The following KDM4C variants were observed in gnomAD, a reference collection of about 807,000 sequenced individuals.
KDM4C encodes the protein lysine demethylase 4C, also known as lysine-specific demethylase 4C.
Under a neutral mutation model 129.3 loss-of-function variants are expected in KDM4C, and 81 were observed. That is an observed-to-expected ratio of 0.63 (90% CI 0.52 to 0.75). The LOEUF is 0.75. Ranked by LOEUF, KDM4C falls within the 30% of genes least tolerant of loss-of-function variation. The probability of loss-of-function intolerance (pLI) is 0.00; values close to 1 mark genes in which losing one functional copy is unlikely to be tolerated. For missense variants in KDM4C, 1,457 were observed against 1,304.0 expected (o/e 1.12, Z -1.81); for synonymous variants, 573 against 456.1 (o/e 1.26, Z -3.26).
At chr9:7,171,786 C>T (rs1418866598) in intron 21 of KDM4C, among the ~76,000 whole-genome samples, 1 of 152,094 alleles carries the variant, frequency 6.6e-6, no homozygotes, top group East Asian at 1.9e-4. Flanking sequence ...GTCTATTTCA[C>T]TGAACAAGCT....
chr9:7,073,400 A>G (rs1030237524), intron 17 of KDM4C, among the ~76,000 whole-genome samples: 1 of 152,208 alleles, frequency 6.6e-6, no homozygotes, highest in Non-Finnish European at 1.5e-5. Flanking sequence ...CTTATTTTAT[A>G]TGTTATATAG....
intron 19 of KDM4C, among the ~76,000 whole-genome samples, chr9:7,148,767 C>T (rs2130062651): frequency 6.6e-6 from 1 of 152,278 alleles, no homozygotes; most frequent in East Asian, 1.9e-4. Flanking sequence ...GTGGGTAGCT[C>T]CTATCCACAG....
At chr9:6,856,544 G>GTGTGTT (rs1839854070) in intron 5 of KDM4C, among the ~76,000 whole-genome samples, 1 of 108,204 alleles carries the variant, frequency 9.2e-6, no homozygotes, top group Non-Finnish European at 2.1e-5. Context: ...GTGTGCGTGT[G>GTGTGTT]TGTGTGTGTG....
intron 4 of KDM4C, among the ~76,000 whole-genome samples, chr9:6,842,457 C>T (rs977798273): frequency 1.2e-4 from 18 of 151,496 alleles, no homozygotes; most frequent in African/African-American, 4.9e-5. Context: ...GTCTCAGTCT[C>T]TTGAGTAGCT....
At chr9:7,129,470 C>T (rs530704576) in intron 19 of KDM4C, among the ~76,000 whole-genome samples, 2 of 152,322 alleles carry the variant, frequency 1.3e-5, no homozygotes, top group East Asian at 1.9e-4. Context: ...TACTGCATTG[C>T]CACTGTTATT....
chr9:6,785,699 C>G (rs1825346267), intron 1 of KDM4C, among the ~76,000 whole-genome samples: 1 of 152,196 alleles, frequency 6.6e-6, no homozygotes, highest in Non-Finnish European at 1.5e-5. Context: ...CAAATATGAC[C>G]TCATGTTAAC....
chr9:6,825,211 T>C (rs1833697033), intron 4 of KDM4C, among the ~76,000 whole-genome samples: 1 of 151,518 alleles, frequency 6.6e-6, no homozygotes, highest in African/African-American at 2.4e-5. Flanking sequence ...TAATCTGTTA[T>C]AAAGTCATAT....
At chr9:7,029,079 A>G (rs572212213) in intron 15 of KDM4C, among the ~76,000 whole-genome samples, 2 of 152,300 alleles carry the variant, frequency 1.3e-5, no homozygotes, top group South Asian at 4.1e-4. Context: ...GTGTTCCTCC[A>G]GAGGGGATGA....
At chr9:7,143,745 A>G (rs1391428653) in intron 19 of KDM4C, among the ~76,000 whole-genome samples, 1 of 152,228 alleles carries the variant, frequency 6.6e-6, no homozygotes, top group Non-Finnish European at 1.5e-5. Flanking sequence ...CTTCCCTTTA[A>G]GCATAATAAT....
At chr9:7,048,681 G>T (rs1829748518) in intron 16 of KDM4C, among the ~76,000 whole-genome samples, 1 of 152,080 alleles carries the variant, frequency 6.6e-6, no homozygotes, top group African/African-American at 2.4e-5. Flanking sequence ...TTAAAAGGTT[G>T]TGTGCTATAC....
chr9:7,039,743 T>TAAGTA (rs145576145), intron 15 of KDM4C, among the ~76,000 whole-genome samples: 8,440 of 152,110 alleles, frequency 0.055, 260 homozygotes, highest in South Asian at 0.096. Flanking sequence ...ATTTATTCAT[T>TAAGTA]GAGTGGATCA....
intron 7 of KDM4C, among the ~76,000 whole-genome samples, chr9:6,889,766 G>A (rs890522873): frequency 7.9e-5 from 12 of 152,226 alleles, no homozygotes; most frequent in African/African-American, 2.7e-4. Context: ...CTGGTGTTAG[G>A]TGTTGGTGGT....
intron 4 of KDM4C, chr9:6,834,872 C>A: frequency 2.3e-6 from 3 of 1,321,604 alleles, no homozygotes; most frequent in Non-Finnish European, 3.3e-6. Flanking sequence ...CCAGCCCGTG[C>A]TGTCCCTGTA....
intron 1 of KDM4C, among the ~76,000 whole-genome samples, chr9:6,738,891 C>G (rs1817605703): frequency 6.6e-6 from 1 of 151,436 alleles, no homozygotes; most frequent in Non-Finnish European, 1.5e-5. Context: ...GGCCGCCCAG[C>G]TAATTTCTAT....
At chr9:6,967,421 T>TAAAAA (rs35054106) in intron 8 of KDM4C, among the ~76,000 whole-genome samples, 20 of 124,992 alleles carry the variant, frequency 1.6e-4, no homozygotes, top group African/African-American at 5.2e-4. Context: ...AAGCTTCCAC[T>TAAAAA]AAAAAAAAAA....
At chr9:7,084,408 C>T (rs1419038544) in intron 17 of KDM4C, among the ~76,000 whole-genome samples, 1 of 152,188 alleles carries the variant, frequency 6.6e-6, no homozygotes, top group Non-Finnish European at 1.5e-5. Flanking sequence ...GTTACTGGAA[C>T]ATGAATGATA....
At chr9:6,765,180 C>G (rs1466480127) in intron 1 of KDM4C, among the ~76,000 whole-genome samples, 5 of 152,138 alleles carry the variant, frequency 3.3e-5, no homozygotes, top group Admixed American at 3.3e-4. Flanking sequence ...CCTGCCATAT[C>G]TCTTTCTACC....
intron 15 of KDM4C, among the ~76,000 whole-genome samples, chr9:7,023,934 C>G (rs1008810036): frequency 5.3e-5 from 8 of 152,186 alleles, no homozygotes; most frequent in Non-Finnish European, 1.2e-4. Context: ...TGTGTTTGTA[C>G]ATCTTCCAAA....
At chr9:6,943,566 T>G (rs977119775) in intron 8 of KDM4C, among the ~76,000 whole-genome samples, 1 of 151,998 alleles carries the variant, frequency 6.6e-6, no homozygotes, top group African/African-American at 2.4e-5. Context: ...TCCTGGCTAC[T>G]TGGGAGGCTG....
Sources: allele counts gnomAD v4.1 joint callset (sites outside exome capture counted in the v4.1 genomes callset), GRCh38; gene constraint gnomAD v4.1.1; transcripts MANE v1.5; gene names NCBI Gene and HGNC (gene_info 2026-07-23, HGNC 2026-07-21).